Variants in PCDHGA10 observed in about 807,000 individuals in gnomAD.
PCDHGA10 encodes protocadherin gamma-A10.
In PCDHGA10, 42 loss-of-function variants were observed where a neutral mutation model predicts 59.5. That is an observed-to-expected ratio of 0.71 (90% CI 0.55 to 0.91). The LOEUF is 0.91. PCDHGA10 is among the 40% of genes least tolerant of loss of function. The probability of loss-of-function intolerance (pLI) is 0.00; values close to 1 mark genes in which losing one functional copy is unlikely to be tolerated. For missense variants in PCDHGA10, 1,111 were observed against 1,198.2 expected (o/e 0.93, Z 1.07); for synonymous variants, 511 against 517.2 (o/e 0.99, Z 0.16).
At chr5:141,478,454 A>G (rs766350066) in intron 1 of PCDHGA10, 4 of 1,613,596 alleles carry the variant, frequency 2.5e-6, no homozygotes, top group Non-Finnish European at 3.4e-6. Context: ...TGGTGCAGCC[A>G]GTCCACTGGC....
intron 1 of PCDHGA10, chr5:141,419,822 T>A: frequency 6.2e-7 from 1 of 1,614,058 alleles, no homozygotes; most frequent in Non-Finnish European, 8.5e-7. Flanking sequence ...GCCACCCCTT[T>A]CAGCCACTGC....
chr5:141,491,047 G>A lies in PCDHGA10; in HGVS notation c.2437-3760G>A, dbSNP rs751761240. On this transcript the variant is annotated intron_variant, in intron 1 of 3. Coordinates refer to ENST00000398610, the MANE Select transcript of PCDHGA10 (RefSeq NM_018913.3). The surrounding 1 kb of genome is among the most constrained non-coding windows in gnomAD (Gnocchi z 6.9). Reference sequence around the variant, plus strand: ...CGTGGATGCTGATGCAGGCCACAATGCGTGGCTCTCCTACTCACTGTTGCC... The same window carrying A: ...CGTGGATGCTGATGCAGGCCACAATACGTGGCTCTCCTACTCACTGTTGCC... 4 of 1,614,054 alleles carry A rather than the reference G, an allele frequency of 2.5e-6. No homozygotes were observed. Among genetic ancestry groups the A allele is most frequent in the Non-Finnish European group, 3.4e-6 (4 of 1,180,034 alleles).
intron 1 of PCDHGA10, among the ~76,000 whole-genome samples, chr5:141,459,831 G>T (rs907978430): frequency 1.3e-5 from 2 of 152,150 alleles, no homozygotes; most frequent in Non-Finnish European, 2.9e-5. Context: ...CTTTTCATGT[G>T]TTGTCTATTT....
chr5:141,431,547 T>TA lies in PCDHGA10; in HGVS notation c.2436+15937dup. On this transcript the variant is annotated intron_variant, in intron 1 of 3. Transcript: ENST00000398610. The surrounding 1 kb of genome is among the most constrained non-coding windows in gnomAD (Gnocchi z 4.8). ...CTGGCCTTGGGCACGCAGCTGCTTG[T>TA]AGTCAACGCTACCGACCCTGACGAA... 6.2e-7 allele frequency: 1 copy of TA among 1,614,096 alleles called. No individual in the cohort carries two copies. The highest frequency in any genetic ancestry group is 8.5e-7 in the Non-Finnish European group (1 of 1,180,022).
chr5:141,431,225 C>A lies in PCDHGA10; in HGVS notation c.2436+15614C>A. On this transcript the variant is annotated intron_variant, in intron 1 of 3. Coordinates refer to ENST00000398610, the MANE Select transcript of PCDHGA10 (RefSeq NM_018913.3). The surrounding 1 kb of genome is among the most constrained non-coding windows in gnomAD (Gnocchi z 4.8). ...CACTGAGATGCGGTTCCCTCTACCC[C>A]ACGCCTGGGATCCGGATATCGGGAA... The A allele has an allele frequency of 1.2e-6, 2 of 1,614,118 alleles. No individual in the cohort carries two copies. The highest frequency in any genetic ancestry group is 1.7e-6 in the Non-Finnish European group (2 of 1,180,036).
intron 1 of PCDHGA10, among the ~76,000 whole-genome samples, chr5:141,447,725 C>T (rs1009407606): frequency 1.3e-5 from 2 of 152,174 alleles, no homozygotes; most frequent in African/African-American, 4.8e-5. Context: ...TTTTCCAAAA[C>T]TCATTGAACT....
intron 1 of PCDHGA10, among the ~76,000 whole-genome samples, chr5:141,438,655 T>G (rs1436221152): frequency 7.1e-6 from 1 of 140,042 alleles, no homozygotes; most frequent in East Asian, 2.1e-4. Flanking sequence ...CACACACATA[T>G]ATGTATATAT....
In PCDHGA10 at chr5:141,489,610, C is replaced by A; in HGVS notation, c.2437-5197C>A. 6.2e-7 allele frequency: 1 copy of A among 1,614,090 alleles called. No individual in the cohort carries two copies. Among genetic ancestry groups the A allele is most frequent in the Non-Finnish European group, 8.5e-7 (1 of 1,179,990 alleles). ...GCTAATCCGTGTAGAGGTAGAGATCCTGGATCTCAATGACAACTCTCCTAG... is the reference window on the plus strand; with the variant it reads ...GCTAATCCGTGTAGAGGTAGAGATCATGGATCTCAATGACAACTCTCCTAG... On this transcript the variant is annotated intron_variant, in intron 1 of 3. Transcript: ENST00000398610. The surrounding 1 kb of genome is among the most constrained non-coding windows in gnomAD (Gnocchi z 4.5).
intron 1 of PCDHGA10, among the ~76,000 whole-genome samples, chr5:141,488,571 A>G (rs2099677106): frequency 6.6e-6 from 1 of 152,194 alleles, no homozygotes; most frequent in East Asian, 1.9e-4. Flanking sequence ...TCCGCAAAGC[A>G]TTGCTGGAGA....
chr5:141,447,023 G>GTTT, intron 1 of PCDHGA10, among the ~76,000 whole-genome samples: 1 of 151,542 alleles, frequency 6.6e-6, no homozygotes, highest in African/African-American at 2.4e-5. Context: ...GTTTTGTTTT[G>GTTT]TTTTTTTTCT....
chr5:141,438,308 C>G (rs2097949954), intron 1 of PCDHGA10, among the ~76,000 whole-genome samples: 1 of 151,766 alleles, frequency 6.6e-6, no homozygotes, highest in Non-Finnish European at 1.5e-5. Context: ...GAAGTTGGTA[C>G]CACCATAATT....
Position 141,486,427 on chromosome 5 carries a change from A to G in PCDHGA10, c.2437-8380A>G. On this transcript the variant is annotated intron_variant, in intron 1 of 3. Transcript: ENST00000398610. This position sits in a 1 kb window ranked among gnomAD's most constrained non-coding sequence, Gnocchi z 5.0. ...CTGGACCCTTGGATCGAGAGGCCAA[A>G]TCTAGCTATGACATCATGGTCACTG... The G allele has an allele frequency of 6.2e-7, 1 of 1,614,160 alleles. No homozygotes were observed. Among genetic ancestry groups the G allele is most frequent in the Non-Finnish European group, 8.5e-7 (1 of 1,180,016 alleles).
At chr5:141,442,205 A>G (rs2098308049) in intron 1 of PCDHGA10, 1 of 153,214 alleles carries the variant, frequency 6.5e-6, no homozygotes, top group Admixed American at 6.5e-5. Context: ...ATATCTGGTG[A>G]TTGCCTTAGC....
intron 1 of PCDHGA10, among the ~76,000 whole-genome samples, chr5:141,473,431 G>T (rs541546681): frequency 3.3e-5 from 5 of 152,148 alleles, no homozygotes; most frequent in Non-Finnish European, 7.3e-5. Flanking sequence ...CAGATACTTT[G>T]CTTATGCAAA....
intron 1 of PCDHGA10, among the ~76,000 whole-genome samples, chr5:141,473,965 A>C (rs925515548): frequency 1.1e-4 from 16 of 152,206 alleles, no homozygotes; most frequent in African/African-American, 3.9e-4. Flanking sequence ...TCTACTTAGA[A>C]GTCTGAGGCG....
chr5:141,472,095 C>T (rs1186697747), intron 1 of PCDHGA10, among the ~76,000 whole-genome samples: 1 of 151,998 alleles, frequency 6.6e-6, no homozygotes, highest in African/African-American at 2.4e-5. Flanking sequence ...TATTATTATT[C>T]CCATTTTATA....
rs1011731430 is a variant in PCDHGA10, at chr5:141,489,676, G to A, written c.2437-5131G>A. 6.2e-7 allele frequency: 1 copy of A among 1,614,158 alleles called. No individual in the cohort carries two copies. The highest frequency in any genetic ancestry group is 8.5e-7 in the Non-Finnish European group (1 of 1,180,008). On this transcript the variant is annotated intron_variant, in intron 1 of 3. Coordinates refer to ENST00000398610, the MANE Select transcript of PCDHGA10 (RefSeq NM_018913.3). This position sits in a 1 kb window ranked among gnomAD's most constrained non-coding sequence, Gnocchi z 4.5. ...GCGAGAGATGCGCATCTCAGAATCAGCAGCATCTGGGGCACGATTCCCACT... is the reference window on the plus strand; with the variant it reads ...GCGAGAGATGCGCATCTCAGAATCAACAGCATCTGGGGCACGATTCCCACT...
intron 1 of PCDHGA10, among the ~76,000 whole-genome samples, chr5:141,479,798 G>C (rs892288776): frequency 6.6e-6 from 1 of 152,234 alleles, no homozygotes; most frequent in East Asian, 1.9e-4. Context: ...ATTAATTCAG[G>C]GTGGTATGCA....
In PCDHGA10 at chr5:141,489,153, G is replaced by C; in HGVS notation, c.2437-5654G>C. Reference sequence around the variant, plus strand: ...TTTAAGAGGCTGGAAGGAGACATAAGAGACTTCAGCTGCTGCATTCCAAGC... The same window carrying C: ...TTTAAGAGGCTGGAAGGAGACATAACAGACTTCAGCTGCTGCATTCCAAGC... On this transcript the variant is annotated intron_variant, in intron 1 of 3. Coordinates refer to ENST00000398610, the MANE Select transcript of PCDHGA10 (RefSeq NM_018913.3). This position sits in a 1 kb window ranked among gnomAD's most constrained non-coding sequence, Gnocchi z 4.5. 1 of 935,832 alleles carries C rather than the reference G, an allele frequency of 1.1e-6. No individual in the cohort carries two copies. Among genetic ancestry groups the C allele is most frequent in the Non-Finnish European group, 1.6e-6 (1 of 627,178 alleles). The allele number at this position is 935,832 out of a possible 1,614,324, so 58.0% of individuals were successfully genotyped here.
Sources: allele counts gnomAD v4.1 joint callset (sites outside exome capture counted in the v4.1 genomes callset), GRCh38; gene constraint gnomAD v4.1.1; non-coding constraint Gnocchi (gnomAD v3.1); transcripts MANE v1.5; gene names NCBI Gene and HGNC (gene_info 2026-07-23, HGNC 2026-07-21).